The following LIPC variants were observed in gnomAD, a reference collection of about 807,000 sequenced individuals.
LIPC encodes the protein lipase C, hepatic type.
Under a neutral mutation model 50.7 loss-of-function variants are expected in LIPC, and 44 were observed. That is an observed-to-expected ratio of 0.87 (90% CI 0.68 to 1.11). LIPC has a LOEUF of 1.11. Among genes scored for constraint, LIPC ranks in the 50% most tolerant of loss-of-function variants. The pLI is 0.00. For missense variants in LIPC, 697 were observed against 648.2 expected (o/e 1.08, Z -0.82); for synonymous variants, 271 against 256.4 (o/e 1.06, Z -0.54).
chr15:58,531,788 C>T (rs1329142523), intron 1 of LIPC, among the ~76,000 whole-genome samples: 1 of 152,028 alleles, frequency 6.6e-6, no homozygotes, highest in Non-Finnish European at 1.5e-5. Context: ...AGATGGCAAC[C>T]TCCAAAATGT....
In LIPC at chr15:58,545,255, T is replaced by C. The variant is rs150765027; in HGVS notation, c.575-487T>C. Among the ~76,000 whole-genome samples the C allele has an allele frequency of 6.4e-3, 969 of 152,208 alleles. 10 individuals carry two copies. The highest frequency in any genetic ancestry group is 0.022 in the African/African-American group (915 of 41,500). ...ACCTTATTCCTTTTTTTTTTTCTTT[T>C]TGAGACAGGATCTCCCTCTGTTGCC... On this transcript the variant is annotated intron_variant, in intron 4 of 8. Coordinates refer to ENST00000299022, the MANE Select transcript of LIPC (RefSeq NM_000236.3).
At chr15:58,492,985 A>T (rs1891635954) in intron 1 of LIPC, among the ~76,000 whole-genome samples, 1 of 152,048 alleles carries the variant, frequency 6.6e-6, no homozygotes, top group South Asian at 2.1e-4. Flanking sequence ...TTCCTAAATG[A>T]TATCTCTGCT....
At position 58,541,782 on chromosome 15, in the gene LIPC, C is replaced by T. The variant is rs1335216592; in HGVS notation, c.274-3C>T. On this transcript the variant is annotated splice_polypyrimidine_tract_variant and splice_region_variant and intron_variant, in intron 2 of 8. Coordinates refer to ENST00000299022, the MANE Select transcript of LIPC (RefSeq NM_000236.3). Reference sequence around the variant, plus strand: ...TGCGACCCTCCCTCTGTCCCCTCCTCAGGTGGACGGCGTGCTAGAAAACTG... The same window carrying T: ...TGCGACCCTCCCTCTGTCCCCTCCTTAGGTGGACGGCGTGCTAGAAAACTG... The T allele has an allele frequency of 6.2e-7, 1 of 1,613,178 alleles. No homozygotes were observed. The highest frequency in any genetic ancestry group is 8.5e-7 in the Non-Finnish European group (1 of 1,179,794).
chr15:58,515,847 T>C (rs1178708000), intron 1 of LIPC, among the ~76,000 whole-genome samples: 1 of 152,194 alleles, frequency 6.6e-6, no homozygotes, highest in Non-Finnish European at 1.5e-5. Flanking sequence ...TGGGGACAGA[T>C]AGAGGAAAGA....
At chr15:58,560,271 G>A (rs2140950117) in intron 6 of LIPC, among the ~76,000 whole-genome samples, 1 of 152,232 alleles carries the variant, frequency 6.6e-6, no homozygotes, top group East Asian at 1.9e-4. Context: ...AAGATTTTAG[G>A]CCCAAGTTCT....
chr15:58,482,201 C>G (rs1192558078), intron 1 of LIPC, among the ~76,000 whole-genome samples: 3 of 152,160 alleles, frequency 2.0e-5, no homozygotes, highest in African/African-American at 7.2e-5. Context: ...CAGCCCTGTC[C>G]CCAGCCACCC....
intron 1 of LIPC, among the ~76,000 whole-genome samples, chr15:58,537,674 A>G (rs1206307231): frequency 6.6e-6 from 1 of 151,578 alleles, no homozygotes; most frequent in East Asian, 1.9e-4. Flanking sequence ...ACACACACAC[A>G]CTCAATCATC....
chr15:58,527,611 C>T lies in LIPC; in HGVS notation c.89-10722C>T, dbSNP rs539643726. 5.3e-5 allele frequency among the ~76,000 whole-genome samples: 8 copies of T among 152,276 alleles called. No homozygotes were observed. In the East Asian group the frequency reaches 9.7e-4, roughly 18 times the overall value. On this transcript the variant is annotated intron_variant, in intron 1 of 8. Transcript: ENST00000299022. ...GCTGGGTGGGCACTTTCCTATTCTTCGGCCAACACAACACTTTCCAAACTG... is the reference window on the plus strand; with the variant it reads ...GCTGGGTGGGCACTTTCCTATTCTTTGGCCAACACAACACTTTCCAAACTG...
intron 1 of LIPC, among the ~76,000 whole-genome samples, chr15:58,466,497 A>T (rs1375979337): frequency 6.6e-6 from 1 of 152,186 alleles, no homozygotes; most frequent in Non-Finnish European, 1.5e-5. Flanking sequence ...AGATCACATG[A>T]TCTCTATGGC....
rs535438346 is a variant in LIPC at position 58,443,208 on chromosome 15, G to A, written c.88+11088G>A. 1.1e-3 allele frequency among the ~76,000 whole-genome samples: 170 copies of A among 152,262 alleles called. 1 individual carries two copies. The highest frequency in any genetic ancestry group is 2.1e-3 in the Non-Finnish European group (140 of 68,020). ...ATTACAGGCCTGAACCACTGTGCCT[G>A]GCCGAGATATCCCATTTTGGATAGG... On this transcript the variant is annotated intron_variant, in intron 1 of 8. Transcript: ENST00000299022.
chr15:58,477,869 C>T (rs1300923606), intron 1 of LIPC, among the ~76,000 whole-genome samples: 1 of 152,112 alleles, frequency 6.6e-6, no homozygotes, highest in Non-Finnish European at 1.5e-5. Context: ...TGACCTGAGT[C>T]TTGGGGAAAA....
intron 1 of LIPC, among the ~76,000 whole-genome samples, chr15:58,524,163 T>G (rs1251220497): frequency 6.6e-6 from 1 of 152,144 alleles, no homozygotes; most frequent in Non-Finnish European, 1.5e-5. Flanking sequence ...ATGGAGTTAT[T>G]TACTTATGCC....
intron 5 of LIPC, among the ~76,000 whole-genome samples, chr15:58,547,810 T>C (rs932669443): frequency 3.3e-5 from 5 of 151,952 alleles, no homozygotes; most frequent in African/African-American, 1.2e-4. Context: ...AAGGTAGACA[T>C]TGTCGAGAGG....
rs981189648 is a variant in LIPC, at chr15:58,541,793, C to A, written c.282C>A (p.Gly94=). The part of the protein sequence containing the change: ...VMIIHGWSVD[G]VLENWIWQMV... The stretch of plus-strand genomic sequence containing the variant: ...CTCTGTCCCCTCCTCAGGTGGACGG[C>A]GTGCTAGAAAACTGGATCTGGCAGA... Residue 94 remains glycine (G), a synonymous_variant, in exon 3 of 9, where the codon GGC becomes GGA. Coordinates refer to ENST00000299022, the MANE Select transcript of LIPC (RefSeq NM_000236.3). The A allele has an allele frequency of 8.7e-6, 14 of 1,613,290 alleles. No homozygotes were observed. Among genetic ancestry groups the A allele is most frequent in the Non-Finnish European group, 1.2e-5 (14 of 1,179,884 alleles).
chr15:58,465,484 A>G (rs892545126), intron 1 of LIPC, among the ~76,000 whole-genome samples: 4 of 152,204 alleles, frequency 2.6e-5, no homozygotes, highest in Non-Finnish European at 4.4e-5. Context: ...TACAGTGATC[A>G]ATTATAGATT....
At chr15:58,509,512 A>G (rs534478135) in intron 1 of LIPC, among the ~76,000 whole-genome samples, 114 of 152,366 alleles carry the variant, frequency 7.5e-4, no homozygotes, top group Non-Finnish European at 1.4e-3. Flanking sequence ...TGAAGATTAA[A>G]AGACCACGTG....
intron 1 of LIPC, among the ~76,000 whole-genome samples, chr15:58,501,680 C>T (rs1011421837): frequency 1.3e-5 from 2 of 152,086 alleles, no homozygotes; most frequent in African/African-American, 4.8e-5. Context: ...CCAGTTTTTA[C>T]AATACCATTT....
intron 8 of LIPC, among the ~76,000 whole-genome samples, chr15:58,567,214 A>AAAAAAT (rs1391248827): frequency 7.3e-6 from 1 of 136,748 alleles, no homozygotes; most frequent in African/African-American, 2.7e-5. Flanking sequence ...AAAAATAAAA[A>AAAAAAT]ATATATATAT....
intron 5 of LIPC, among the ~76,000 whole-genome samples, chr15:58,547,241 C>T (rs1367269402): frequency 1.3e-5 from 2 of 152,216 alleles, no homozygotes; most frequent in Non-Finnish European, 2.9e-5. Flanking sequence ...CTCCCAGCCA[C>T]AGCTGCACAG....
Sources: allele counts gnomAD v4.1 joint callset (sites outside exome capture counted in the v4.1 genomes callset), GRCh38; gene constraint gnomAD v4.1.1; transcripts MANE v1.5; gene names NCBI Gene and HGNC (gene_info 2026-07-23, HGNC 2026-07-21).